NPAS3: variants seen among roughly 807,000 people sequenced by gnomAD.
NPAS3 encodes neuronal PAS domain-containing protein 3.
A neutral mutation model predicts 73.1 loss-of-function variants in NPAS3; 14 were observed. The observed-to-expected ratio is 0.19, with a 90% CI of 0.13 to 0.30. The LOEUF (loss-of-function observed/expected upper bound fraction) is 0.30, where lower values mean the gene tolerates loss of function less well. Among genes scored for constraint, NPAS3 ranks in the 10% least tolerant of loss-of-function variants. NPAS3 has a pLI of 1.00. For missense variants in NPAS3, 1,096 were observed against 1,250.0 expected, an observed-to-expected ratio of 0.88 and a Z score of 1.86; for synonymous variants, 620 against 541.5, an observed-to-expected ratio of 1.14 and a Z score of -2.01.
chr14:33,221,107 G>C (rs2047408859), intron 3 of NPAS3, among the ~76,000 whole-genome samples: 1 of 152,182 alleles, frequency 6.6e-6, no homozygotes, highest in African/African-American at 2.4e-5. Context: ...TTGGCTCCTT[G>C]CTGGGGGTTC....
chr14:33,138,295 T>C (rs2043917022), intron 2 of NPAS3, among the ~76,000 whole-genome samples: 1 of 151,482 alleles, frequency 6.6e-6, no homozygotes, highest in South Asian at 2.1e-4. Context: ...TCTTCAGGGT[T>C]TTGGTAATCA....
At chr14:32,982,237 A>G (rs1462938360) in intron 1 of NPAS3, among the ~76,000 whole-genome samples, 1 of 152,220 alleles carries the variant, frequency 6.6e-6, no homozygotes, top group Non-Finnish European at 1.5e-5. Flanking sequence ...TTGCAGTTTC[A>G]TACCCTTTAA....
At chr14:33,666,222 C>G (rs1386930449) in intron 5 of NPAS3, among the ~76,000 whole-genome samples, 1 of 152,192 alleles carries the variant, frequency 6.6e-6, no homozygotes, top group Non-Finnish European at 1.5e-5. Flanking sequence ...ACATCCTAGG[C>G]TTAGTCCAAG....
chr14:32,937,837 C>T (rs1231999559), upstream of NPAS3, among the ~76,000 whole-genome samples: 1 of 152,194 alleles, frequency 6.6e-6, no homozygotes, highest in Non-Finnish European at 1.5e-5. Context: ...TGACACATGA[C>T]TGACCCAAGT....
chr14:33,409,453 A>AT (rs2047819520), intron 4 of NPAS3, among the ~76,000 whole-genome samples: 1 of 152,180 alleles, frequency 6.6e-6, no homozygotes, highest in South Asian at 2.1e-4. Context: ...CTAACTTAGA[A>AT]TTTTAATTGT....
At chr14:33,385,278 C>G (rs144021718) in intron 4 of NPAS3, among the ~76,000 whole-genome samples, 1 of 152,100 alleles carries the variant, frequency 6.6e-6, no homozygotes, top group African/African-American at 2.4e-5. Context: ...CAGCTGTTCT[C>G]GTGCTGTGGA....
At chr14:33,109,986 A>T (rs1273930575) in intron 2 of NPAS3, among the ~76,000 whole-genome samples, 1 of 151,428 alleles carries the variant, frequency 6.6e-6, no homozygotes, top group African/African-American at 2.4e-5. Context: ...AAGCAGATGA[A>T]CATTTAAGTA....
chr14:33,456,048 A>G (rs1194671050), intron 4 of NPAS3, among the ~76,000 whole-genome samples: 1 of 152,160 alleles, frequency 6.6e-6, no homozygotes, highest in Non-Finnish European at 1.5e-5. Context: ...GTTGTCATGT[A>G]TTGATGATCC....
At chr14:33,746,497 T>C (rs1287096679) in intron 7 of NPAS3, among the ~76,000 whole-genome samples, 1 of 145,490 alleles carries the variant, frequency 6.9e-6, no homozygotes, top group Non-Finnish European at 1.5e-5. Context: ...CTCTACTGAC[T>C]CATTCTTTTT....
chr14:33,520,169 C>G (rs964578532), intron 4 of NPAS3, among the ~76,000 whole-genome samples: 2 of 152,138 alleles, frequency 1.3e-5, no homozygotes, highest in African/African-American at 4.8e-5. Context: ...AAGCTCTGAG[C>G]TACCACAGTA....
intron 9 of NPAS3, among the ~76,000 whole-genome samples, chr14:33,781,651 C>T (rs1566534778): frequency 6.6e-6 from 1 of 152,138 alleles, no homozygotes; most frequent in Non-Finnish European, 1.5e-5. Context: ...GTTTTTCTTC[C>T]TAGAGCTATT....
intron 9 of NPAS3, among the ~76,000 whole-genome samples, chr14:33,785,011 A>G (rs1162518531): frequency 6.6e-6 from 1 of 151,600 alleles, no homozygotes; most frequent in East Asian, 2.0e-4. Context: ...GGGCCTCCCA[A>G]CGGGCTGGGA....
chr14:33,620,190 A>G (rs1359673007), intron 5 of NPAS3, among the ~76,000 whole-genome samples: 2 of 152,218 alleles, frequency 1.3e-5, no homozygotes, highest in African/African-American at 4.8e-5. Flanking sequence ...AGAAGATGTC[A>G]TAACTAATTT....
At chr14:33,308,810 T>G (rs994762740) in intron 3 of NPAS3, among the ~76,000 whole-genome samples, 5 of 152,040 alleles carry the variant, frequency 3.3e-5, no homozygotes, top group Admixed American at 6.6e-5. Flanking sequence ...TTAAAAAAAT[T>G]TTAAATAAAC....
chr14:33,246,837 T>C (rs1177560617), intron 3 of NPAS3, among the ~76,000 whole-genome samples: 1 of 7,498 alleles, frequency 1.3e-4, no homozygotes, highest in Non-Finnish European at 2.4e-4. Flanking sequence ...CTATTAAAAA[T>C]ACAAAAAAAA....
chr14:33,584,610 G>C (rs1022195548), intron 5 of NPAS3, among the ~76,000 whole-genome samples: 2 of 152,134 alleles, frequency 1.3e-5, no homozygotes, highest in African/African-American at 4.8e-5. Flanking sequence ...TAAACTTCTA[G>C]CCAACAGGAG....
At chr14:33,429,216 A>C (rs540386146) in intron 4 of NPAS3, among the ~76,000 whole-genome samples, 240 of 152,306 alleles carry the variant, frequency 1.6e-3, no homozygotes, top group African/African-American at 5.5e-3. Flanking sequence ...AAGAACCAGC[A>C]TATGTAAAAT....
intron 2 of NPAS3, among the ~76,000 whole-genome samples, chr14:33,089,772 G>T (rs2042161097): frequency 6.6e-6 from 1 of 152,172 alleles, no homozygotes. Flanking sequence ...CCCACAAAGG[G>T]AAGCCCATCA....
At chr14:33,000,200 G>T (rs1303698414) in intron 1 of NPAS3, among the ~76,000 whole-genome samples, 9 of 152,018 alleles carry the variant, frequency 5.9e-5, no homozygotes, top group Admixed American at 5.2e-4. Context: ...GCCAGTTGTT[G>T]CCCAGGTCAC....
Sources: allele counts gnomAD v4.1 joint callset (sites outside exome capture counted in the v4.1 genomes callset), GRCh38; gene constraint gnomAD v4.1.1; transcripts MANE v1.5; gene names NCBI Gene and HGNC (gene_info 2026-07-23, HGNC 2026-07-21).